The following UROS variants were observed in gnomAD, a reference collection of about 807,000 sequenced individuals.
UROS encodes uroporphyrinogen III synthase, also known as uroporphyrinogen-III synthase.
UROS carries 18 observed loss-of-function variants against 33.0 expected under a neutral mutation model. The ratio of observed to expected loss-of-function variants is 0.55; its 90% CI spans 0.38 to 0.81. The LOEUF is 0.81. Among genes scored for constraint, UROS ranks in the 30% least tolerant of loss-of-function variants. UROS has a pLI of 0.00. For missense variants in UROS, 293 were observed against 314.9 expected, an observed-to-expected ratio of 0.93 and a Z score of 0.53; for synonymous variants, 114 against 121.1, an observed-to-expected ratio of 0.94 and a Z score of 0.38.
intron 9 of UROS, chr10:125,791,897 G>A (rs1445699591): frequency 6.6e-6 from 1 of 152,198 alleles, no homozygotes; most frequent in Admixed American, 6.5e-5. Flanking sequence ...AGACAGTGGT[G>A]ATGGTTGCAC....
At position 125,810,155 on chromosome 10, in the gene UROS, C is replaced by A. The variant is rs181212100; in HGVS notation, c.319+2059G>T. ...AGTGGAAAGTGGCTCCTAATGATCCCTGTGATCCATGCCCCTGTGTCATCC... is the reference window on the plus strand; with the variant it reads ...AGTGGAAAGTGGCTCCTAATGATCCATGTGATCCATGCCCCTGTGTCATCC... On this transcript the variant is annotated intron_variant, in intron 5 of 9. Coordinates refer to ENST00000368797, the MANE Select transcript of UROS (RefSeq NM_000375.3). Among the ~76,000 whole-genome samples the A allele has an allele frequency of 1.3e-3, 202 of 152,320 alleles. 2 individuals are homozygous for A. Among genetic ancestry groups the A allele is most frequent in the Non-Finnish European group, 1.6e-4 (11 of 68,034 alleles).
Position 125,823,191 on chromosome 10 carries a change from C to G in UROS, c.-189G>C, listed in dbSNP as rs1009426974. 5.4e-6 allele frequency: 1 copy of G among 184,776 alleles called. No homozygotes were observed. The highest frequency in any genetic ancestry group is 1.1e-5 in the Non-Finnish European group (1 of 89,086). The allele number at this position is 184,776 out of a possible 1,614,324, so 11.4% of individuals were successfully genotyped here. On this transcript the variant is annotated 5_prime_UTR_variant, in exon 1 of 10. Transcript: ENST00000368797. ...GGCCGCGGCGGCCACCCGCGCCGGG[C>G]CCCAGGACCCCGCACCTCAGACTGG... is the stretch of plus-strand genomic sequence containing the variant.
At chr10:125,791,421 A>T (rs1850926954) in intron 9 of UROS, 2 of 152,226 alleles carry the variant, frequency 1.3e-5, no homozygotes, top group African/African-American at 4.8e-5. Context: ...TTTGGAAAAT[A>T]GCAGTAATTC....
chr10:125,820,596 C>G (rs998690257), intron 1 of UROS, among the ~76,000 whole-genome samples: 1 of 152,174 alleles, frequency 6.6e-6, no homozygotes, highest in Non-Finnish European at 1.5e-5. Context: ...GTCAAGATGA[C>G]ATGTAAAAGT....
At chr10:125,814,644 C>T (rs10159660) in intron 4 of UROS, among the ~76,000 whole-genome samples, 64,255 of 151,990 alleles carry the variant, frequency 0.42, 13,850 homozygotes, top group Non-Finnish European at 0.47. Flanking sequence ...TAGTGAGGGA[C>T]GGAGGTGGGA....
At chr10:125,802,734 T>C in intron 6 of UROS, 1 of 1,401,962 alleles carries the variant, frequency 7.1e-7, no homozygotes, top group East Asian at 2.6e-5. Context: ...AGTATCTCTT[T>C]AGGTACAGCC....
Position 125,807,490 on chromosome 10 carries a change from G to A in UROS, c.320-3C>T. ...TGTATCCAGGCCAATTTTACTCACT[G>A]GAAAACCACAAAGAAATGTATTTCT... is the stretch of plus-strand genomic sequence containing the variant. On this transcript the variant is annotated splice_region_variant and splice_polypyrimidine_tract_variant and intron_variant, in intron 5 of 9. Coordinates refer to ENST00000368797, the MANE Select transcript of UROS (RefSeq NM_000375.3). 1 of 1,612,734 alleles carries A rather than the reference G, an allele frequency of 6.2e-7. No individual in the cohort carries two copies. The highest frequency in any genetic ancestry group is 8.5e-7 in the Non-Finnish European group (1 of 1,178,838).
intron 9 of UROS, among the ~76,000 whole-genome samples, chr10:125,790,726 T>C (rs1017197044): frequency 6.9e-6 from 1 of 145,656 alleles, no homozygotes; most frequent in African/African-American, 2.6e-5. Flanking sequence ...GAGGTTGCAG[T>C]GAGCTGAGAT....
At chr10:125,801,430 T>C (rs1036550564) in intron 6 of UROS, among the ~76,000 whole-genome samples, 8 of 152,220 alleles carry the variant, frequency 5.3e-5, no homozygotes, top group African/African-American at 1.4e-4. Context: ...GCACTTACAA[T>C]AGTGCCTGTC....
intron 4 of UROS, among the ~76,000 whole-genome samples, chr10:125,813,042 T>C (rs1320230803): frequency 6.6e-6 from 1 of 152,226 alleles, no homozygotes; most frequent in African/African-American, 2.4e-5. Context: ...GAAATTCCCT[T>C]TGAAATGGTA....
rs1854178602 is a variant in UROS, at chr10:125,823,245, G to A, written c.-243C>T. The A allele has an allele frequency of 3.7e-6, 1 of 268,818 alleles. No homozygotes were observed. The highest frequency in any genetic ancestry group is 8.1e-5 in the South Asian group (1 of 12,358). The allele number at this position is 268,818 out of a possible 1,614,324, so 16.7% of individuals were successfully genotyped here. A position where few individuals can be genotyped will look rare whatever the true frequency, so the allele number is the denominator to read the frequency against. On this transcript the variant is annotated 5_prime_UTR_variant, in exon 1 of 10. Coordinates refer to ENST00000368797, the MANE Select transcript of UROS (RefSeq NM_000375.3). ...CGCGTGGGTGGCTGCGCGCAGCTAG[G>A]CGCTCGCGCATGCGCACCGCCATCC...
In UROS at chr10:125,788,781, C is replaced by A; in HGVS notation, c.*87G>T. On this transcript the variant is annotated 3_prime_UTR_variant, in exon 10 of 10. Coordinates refer to ENST00000368797, the MANE Select transcript of UROS (RefSeq NM_000375.3). Reference sequence around the variant, plus strand: ...TGAGGCAGGAGTCTGACGGCAGCAGCTCCCGAGAGCCCTTGCCGATGCCTG... The same window carrying A: ...TGAGGCAGGAGTCTGACGGCAGCAGATCCCGAGAGCCCTTGCCGATGCCTG... 6.7e-7 allele frequency: 1 copy of A among 1,493,528 alleles called. No individual in the cohort carries two copies. The highest frequency in any genetic ancestry group is 8.9e-7 in the Non-Finnish European group (1 of 1,119,924). 92.5% of individuals were successfully genotyped at this position (1,493,528 alleles called of 1,614,324 possible).
intron 8 of UROS, chr10:125,795,294 G>A (rs1027699431): frequency 1.2e-4 from 47 of 407,894 alleles, no homozygotes; most frequent in African/African-American, 6.6e-4. Flanking sequence ...GTGGTCATAC[G>A]GCACTGATCA....
chr10:125,786,953 C>G (rs1326868660), downstream of UROS, among the ~76,000 whole-genome samples: 1 of 152,222 alleles, frequency 6.6e-6, no homozygotes, highest in Admixed American at 6.5e-5. Context: ...CAAGCCCAGG[C>G]TCCCGACTCA....
chr10:125,820,013 G>GT (rs781012343), intron 1 of UROS, among the ~76,000 whole-genome samples: 2 of 152,036 alleles, frequency 1.3e-5, no homozygotes, highest in Non-Finnish European at 2.9e-5. Flanking sequence ...CACCTTACTG[G>GT]TAAGAAAGAA....
intron 6 of UROS, among the ~76,000 whole-genome samples, chr10:125,806,821 G>A (rs1852378787): frequency 6.6e-6 from 1 of 152,194 alleles, no homozygotes; most frequent in South Asian, 2.1e-4. Flanking sequence ...AGGTGGGGCT[G>A]CCCTACAAGT....
At chr10:125,819,454 G>C (rs1241406488) in intron 1 of UROS, among the ~76,000 whole-genome samples, 1 of 152,150 alleles carries the variant, frequency 6.6e-6, no homozygotes, top group Non-Finnish European at 1.5e-5. Context: ...CAGATGGTAA[G>C]GGATCTCTAT....
chr10:125,811,782 A>C (rs1852834409), intron 5 of UROS, among the ~76,000 whole-genome samples: 1 of 144,166 alleles, frequency 6.9e-6, no homozygotes, highest in Non-Finnish European at 1.5e-5. Flanking sequence ...AGACTGGAAA[A>C]ATGCACAAAA....
intron 6 of UROS, 173 bp downstream of exon 6, chr10:125,807,240 G>A (rs952101087): frequency 2.7e-5 from 18 of 660,676 alleles, no homozygotes; most frequent in African/African-American, 1.4e-4. Flanking sequence ...ACCTCACAAA[G>A]TATAGACATA....
Sources: allele counts gnomAD v4.1 joint callset (sites outside exome capture counted in the v4.1 genomes callset), GRCh38; gene constraint gnomAD v4.1.1; transcripts MANE v1.5; gene names NCBI Gene and HGNC (gene_info 2026-07-23, HGNC 2026-07-21).